C8orf34: variants seen among roughly 807,000 people sequenced by gnomAD.
The protein encoded by C8orf34 is uncharacterized protein C8orf34.
Under a neutral mutation model 68.3 loss-of-function variants are expected in C8orf34, and 65 were observed. The ratio of observed to expected loss-of-function variants is 0.95; its 90% CI spans 0.78 to 1.17. The LOEUF is 1.17. C8orf34 is among the 50% of genes most tolerant of loss of function. C8orf34 has a pLI of 0.00. For missense variants in C8orf34, 664 were observed against 655.4 expected (o/e 1.01, Z -0.14); for synonymous variants, 244 against 241.2 (o/e 1.01, Z -0.11).
intron 10 of C8orf34, among the ~76,000 whole-genome samples, chr8:68,746,101 A>G (rs1822482257): frequency 1.3e-5 from 2 of 152,228 alleles, no homozygotes; most frequent in Admixed American, 6.5e-5. Context: ...CCACTCAATT[A>G]CATGGAAGCT....
chr8:68,712,270 A>T (rs764163036), intron 9 of C8orf34, among the ~76,000 whole-genome samples: 1 of 152,150 alleles, frequency 6.6e-6, no homozygotes, highest in Non-Finnish European at 1.5e-5. Flanking sequence ...GTATAACAAT[A>T]ACACAATGAA....
At chr8:68,594,274 T>A (rs982817667) in intron 7 of C8orf34, among the ~76,000 whole-genome samples, 18 of 152,210 alleles carry the variant, frequency 1.2e-4, no homozygotes, top group Middle Eastern at 3.4e-3. Flanking sequence ...TAACTCTTCC[T>A]ATAATTGTCT....
chr8:68,621,168 G>A (rs750633359), intron 7 of C8orf34, among the ~76,000 whole-genome samples: 2 of 152,208 alleles, frequency 1.3e-5, no homozygotes, highest in Admixed American at 6.5e-5. Context: ...CTAAGCCATG[G>A]CTGGAGTCCA....
chr8:68,543,644 A>T (rs1044345775), intron 7 of C8orf34, among the ~76,000 whole-genome samples: 1 of 152,340 alleles, frequency 6.6e-6, no homozygotes, highest in East Asian at 1.9e-4. Context: ...CAGGAGTCAG[A>T]TTCCAAAACC....
Position 68,818,956 on chromosome 8 carries a change from C to T in C8orf34, c.*710C>T, listed in dbSNP as rs771832152. The T allele has an allele frequency of 3.3e-5, 5 of 152,008 alleles. No individual in the cohort carries two copies. Among genetic ancestry groups the T allele is most frequent in the Non-Finnish European group, 5.9e-5 (4 of 67,998 alleles). The allele number at this position is 152,008 out of a possible 1,614,324, so 9.4% of individuals were successfully genotyped here. On this transcript the variant is annotated 3_prime_UTR_variant, in exon 14 of 14. Coordinates refer to ENST00000518698, the MANE Select transcript of C8orf34 (RefSeq NM_052958.4). Reference sequence around the variant, plus strand: ...ATCCATTTTAAATTTAATATATGCTCGCTTTTGGAATGTGTTATGCATTGA... The same window carrying T: ...ATCCATTTTAAATTTAATATATGCTTGCTTTTGGAATGTGTTATGCATTGA...
intron 12 of C8orf34, among the ~76,000 whole-genome samples, chr8:68,815,323 A>G (rs1563685109): frequency 6.6e-6 from 1 of 152,056 alleles, no homozygotes; most frequent in Non-Finnish European, 1.5e-5. Context: ...ACCAGACAAT[A>G]TAGTGTGTGT....
At chr8:68,466,892 C>A (rs1425466538) in intron 3 of C8orf34, among the ~76,000 whole-genome samples, 3 of 151,314 alleles carry the variant, frequency 2.0e-5, no homozygotes, top group Non-Finnish European at 3.0e-5. Context: ...TGACATATTT[C>A]ATTAGTTGGA....
At chr8:68,378,507 C>T (rs1052917865) in intron 1 of C8orf34, among the ~76,000 whole-genome samples, 3 of 152,034 alleles carry the variant, frequency 2.0e-5, no homozygotes, top group Admixed American at 1.3e-4. Flanking sequence ...AGGCTTGTCT[C>T]GAACTCCTGG....
chr8:68,774,331 G>GTATATATATATATATATA (rs550713780), intron 10 of C8orf34, among the ~76,000 whole-genome samples: 7 of 108,930 alleles, frequency 6.4e-5, no homozygotes, highest in African/African-American at 2.6e-4. Flanking sequence ...GGGTGTGTGT[G>GTATATATATATATATATA]TATATATATA....
chr8:68,465,276 G>C (rs1367794169), intron 3 of C8orf34, among the ~76,000 whole-genome samples: 1 of 151,298 alleles, frequency 6.6e-6, no homozygotes, highest in Non-Finnish European at 1.5e-5. Flanking sequence ...AGTTAGAATG[G>C]CAATCATTAA....
At chr8:68,774,967 A>G (rs28707361) in intron 10 of C8orf34, among the ~76,000 whole-genome samples, 1 of 147,728 alleles carries the variant, frequency 6.8e-6, no homozygotes, top group South Asian at 2.1e-4. Flanking sequence ...AAAAAAAAAA[A>G]TTAGCTGGGC....
chr8:68,601,548 A>G (rs1586432886), intron 7 of C8orf34, among the ~76,000 whole-genome samples: 1 of 152,088 alleles, frequency 6.6e-6, no homozygotes, highest in African/African-American at 2.4e-5. Flanking sequence ...TTCAGTTATT[A>G]TATTTTTAAC....
intron 3 of C8orf34, among the ~76,000 whole-genome samples, chr8:68,466,124 C>G (rs1812122270): frequency 6.6e-6 from 1 of 150,578 alleles, no homozygotes; most frequent in South Asian, 2.1e-4. Flanking sequence ...AAGCCAGGCA[C>G]AAAAAGACTA....
intron 1 of C8orf34, among the ~76,000 whole-genome samples, chr8:68,359,819 G>T (rs1178214202): frequency 6.6e-6 from 1 of 152,124 alleles, no homozygotes; most frequent in Admixed American, 6.5e-5. Flanking sequence ...GAAAATTGAG[G>T]TGATCTCAAG....
chr8:68,523,428 C>T (rs1814842482), intron 6 of C8orf34, among the ~76,000 whole-genome samples: 1 of 152,168 alleles, frequency 6.6e-6, no homozygotes, highest in Non-Finnish European at 1.5e-5. Flanking sequence ...GGGAGAACCT[C>T]TTCTCTAATC....
intron 1 of C8orf34, among the ~76,000 whole-genome samples, chr8:68,371,529 C>T (rs1387626746): frequency 1.3e-5 from 2 of 151,282 alleles, no homozygotes; most frequent in South Asian, 4.2e-4. Flanking sequence ...AGTGTTGAAG[C>T]TTTGTAATTC....
chr8:68,595,947 T>C lies in C8orf34; in HGVS notation c.1106-44429T>C, dbSNP rs189714971. 2.3e-3 allele frequency among the ~76,000 whole-genome samples: 345 copies of C among 152,240 alleles called. 3 individuals are homozygous for C. Among genetic ancestry groups the C allele is most frequent in the Non-Finnish European group, 4.1e-3 (280 of 68,014 alleles). On this transcript the variant is annotated intron_variant, in intron 7 of 13. Transcript: ENST00000518698. ...TCCAATATCTTCAAGTGGTCTTTTT[T>C]CTTCTAATTACTCATTTTTGCTGTA... is the stretch of plus-strand genomic sequence containing the variant.
chr8:68,476,658 T>C (rs1812631143), intron 4 of C8orf34, among the ~76,000 whole-genome samples: 1 of 152,164 alleles, frequency 6.6e-6, no homozygotes, highest in African/African-American at 2.4e-5. Context: ...GTCATACATA[T>C]TCAGTAGATT....
intron 8 of C8orf34, among the ~76,000 whole-genome samples, chr8:68,669,815 A>G (rs1819951833): frequency 6.6e-6 from 1 of 152,186 alleles, no homozygotes; most frequent in African/African-American, 2.4e-5. Flanking sequence ...ATGGAGTTTT[A>G]CATCAAGGTG....
Sources: allele counts gnomAD v4.1 joint callset (sites outside exome capture counted in the v4.1 genomes callset), GRCh38; gene constraint gnomAD v4.1.1; transcripts MANE v1.5; gene names NCBI Gene and HGNC (gene_info 2026-07-23, HGNC 2026-07-21).